DOCK11: variants seen among roughly 807,000 people sequenced by gnomAD.
DOCK11 encodes the protein dedicator of cytokinesis 11.
Under a neutral mutation model 169.1 loss-of-function variants are expected in DOCK11, and 70 were observed. The observed-to-expected ratio is 0.41, with a 90% CI of 0.34 to 0.51. DOCK11 has a LOEUF of 0.51. DOCK11 is among the 20% of genes least tolerant of loss of function. DOCK11 has a pLI of 0.10. For synonymous variants in DOCK11, 529 were observed against 541.3 expected (o/e 0.98, Z 0.32); for missense variants, 1,166 against 1,538.8 (o/e 0.76, Z 4.05).
intron 6 of DOCK11, among the ~76,000 whole-genome samples, chrX:118,558,129 C>T (rs1186650458): frequency 9.2e-6 from 1 of 108,873 alleles, no homozygotes; most frequent in African/African-American, 3.4e-5. Flanking sequence ...TGCGCCACCA[C>T]GCCTGGCTAA....
intron 44 of DOCK11, among the ~76,000 whole-genome samples, chrX:118,656,179 T>A (rs1471221217): frequency 9.1e-6 from 1 of 109,883 alleles, no homozygotes; most frequent in Non-Finnish European, 1.9e-5. Flanking sequence ...TGGTTCCAGC[T>A]ACGAAGGAGG....
Position 118,509,500 on chromosome X carries a change from G to A in DOCK11, c.102+13427G>A, listed in dbSNP as rs559043991. 1.2e-4 allele frequency among the ~76,000 whole-genome samples: 13 copies of A among 111,586 alleles called. No individual in the cohort carries two copies. The South Asian group carries it at 4.9e-3, about 42-fold the overall frequency. On this transcript the variant is annotated intron_variant, in intron 1 of 52. Transcript: ENST00000276202. ...GCTGGTCTCGAACTCCTGACCTCAA[G>A]TGTTCCAACTGCCTCGGCCTCCCAA...
In DOCK11 at chrX:118,643,564, A is replaced by G; in HGVS notation, c.4368A>G (p.Val1456=). The change falls in exon 40 of 53, where the codon GTA becomes GTG. Residue 1456 remains valine (V), a synonymous_variant. Transcript: ENST00000276202. The stretch of plus-strand genomic sequence containing the variant: ...AATCTGAAGTGTCGCTGAAACATGT[A>G]TTTGCCTCACTGAGAGCTTTCATCA... ...NGQSEVSLKH[V]FASLRAFISK... 1.7e-6 allele frequency: 2 copies of G among 1,211,341 alleles called. No individual in the cohort carries two copies. Among genetic ancestry groups the G allele is most frequent in the Non-Finnish European group, 2.2e-6 (2 of 895,254 alleles).
chrX:118,681,251 A>G lies in DOCK11; in HGVS notation c.5862+3A>G. Reference sequence around the variant, plus strand: ...TGCAGGGCTGTGTTTCTGTGCAGGTACGTTGGTCATCCAACATGTATTGAA... The same window carrying G: ...TGCAGGGCTGTGTTTCTGTGCAGGTGCGTTGGTCATCCAACATGTATTGAA... On this transcript the variant is annotated splice_donor_region_variant and intron_variant, in intron 50 of 52. Coordinates refer to ENST00000276202, the MANE Select transcript of DOCK11 (RefSeq NM_144658.4). The G allele has an allele frequency of 8.5e-7, 1 of 1,170,400 alleles. No homozygotes were observed. Among genetic ancestry groups the G allele is most frequent in the Non-Finnish European group, 1.1e-6 (1 of 876,618 alleles).
chrX:118,650,414 C>A (rs2015919175), intron 41 of DOCK11, among the ~76,000 whole-genome samples: 1 of 111,585 alleles, frequency 9.0e-6, no homozygotes, highest in Non-Finnish European at 1.9e-5. Flanking sequence ...TATGGGAAAT[C>A]CTTGGTCCTA....
intron 8 of DOCK11, 73 bp downstream of exon 8, chrX:118,566,255 G>A: frequency 1.0e-6 from 1 of 952,652 alleles, no homozygotes; most frequent in Non-Finnish European, 1.4e-6. Context: ...CCTCTGTGCA[G>A]GGTGAGTAGA....
intron 1 of DOCK11, among the ~76,000 whole-genome samples, chrX:118,525,521 G>A (rs999638638): frequency 9.0e-6 from 1 of 111,314 alleles, no homozygotes; most frequent in Non-Finnish European, 1.9e-5. Context: ...AGGGATGGGC[G>A]GGGGCGGTGT....
intron 6 of DOCK11, among the ~76,000 whole-genome samples, chrX:118,549,157 T>C (rs1005576261): frequency 1.1e-4 from 11 of 101,658 alleles, no homozygotes; most frequent in Non-Finnish European, 1.9e-4. Flanking sequence ...ACTTTTTTTT[T>C]TTTTGAGATG....
intron 1 of DOCK11, among the ~76,000 whole-genome samples, chrX:118,516,017 A>G (rs1415706012): frequency 1.2e-5 from 1 of 86,661 alleles, no homozygotes; most frequent in African/African-American, 4.8e-5. Context: ...ATATATATAT[A>G]TACATTCTTA....
chrX:118,572,185 G>A lies in DOCK11; in HGVS notation c.1036-138G>A, dbSNP rs2013297243. On this transcript the variant is annotated intron_variant, in intron 10 of 52. Transcript: ENST00000276202. ...TAGTGTAAAAAGTCTATAAAAGCTT[G>A]TTAGATGAAAACATAAAAAGGGTTC... The A allele has an allele frequency of 7.9e-6, 4 of 507,512 alleles. No individual in the cohort carries two copies. The Admixed American group carries it at 1.7e-4, about 21-fold the overall frequency. The allele number at this position is 507,512 out of a possible 1,213,427, so 41.8% of individuals were successfully genotyped here.
intron 6 of DOCK11, among the ~76,000 whole-genome samples, chrX:118,550,359 A>T (rs1006665249): frequency 9.0e-6 from 1 of 110,911 alleles, no homozygotes; most frequent in Non-Finnish European, 1.9e-5. Flanking sequence ...GGATCACTTC[A>T]GCCTGGGAGG....
intron 12 of DOCK11, among the ~76,000 whole-genome samples, chrX:118,577,114 G>A (rs2013472420): frequency 8.9e-6 from 1 of 112,795 alleles, no homozygotes; most frequent in Admixed American, 9.3e-5. Flanking sequence ...GTATATAGTA[G>A]TGCCTACATT....
chrX:118,514,629 A>G lies in DOCK11; in HGVS notation c.102+18556A>G, dbSNP rs185874137. 3.9e-3 allele frequency among the ~76,000 whole-genome samples: 440 copies of G among 111,421 alleles called. 2 individuals carry two copies. Among genetic ancestry groups the G allele is most frequent in the Non-Finnish European group, 6.5e-3 (345 of 52,974 alleles). On this transcript the variant is annotated intron_variant, in intron 1 of 52. Coordinates refer to ENST00000276202, the MANE Select transcript of DOCK11 (RefSeq NM_144658.4). The stretch of plus-strand genomic sequence containing the variant: ...CACCTTTGAAGTTTCTTCTCCCACC[A>G]CACCCTTCCTTTGCCCTGTAGTCTA...
intron 23 of DOCK11, 103 bp from the exon 24 acceptor site, chrX:118,605,135 C>A: frequency 2.0e-6 from 1 of 499,540 alleles, no homozygotes; most frequent in Non-Finnish European, 3.4e-6. Context: ...AGCTTATATG[C>A]TAGTCAATGT....
intron 19 of DOCK11, among the ~76,000 whole-genome samples, chrX:118,591,251 T>C (rs1244393503): frequency 1.8e-5 from 2 of 111,764 alleles, no homozygotes; most frequent in Non-Finnish European, 3.8e-5. Flanking sequence ...CCTAGTTTCA[T>C]GGGGGATGGG....
chrX:118,573,802 C>T lies in DOCK11; in HGVS notation c.1177-4C>T. The T allele has an allele frequency of 1.7e-6, 2 of 1,196,800 alleles. No homozygotes were observed. The highest frequency in any genetic ancestry group is 3.6e-5 in the South Asian group (2 of 54,887). On this transcript the variant is annotated splice_polypyrimidine_tract_variant and splice_region_variant and intron_variant, in intron 11 of 52. Transcript: ENST00000276202. ...TTTTAAAATGTAACTGTTTTCATTCCCAGGTTGAGCCCTTTTTTATCAATC... is the reference window on the plus strand; with the variant it reads ...TTTTAAAATGTAACTGTTTTCATTCTCAGGTTGAGCCCTTTTTTATCAATC...
intron 6 of DOCK11, among the ~76,000 whole-genome samples, chrX:118,558,629 A>G (rs996230909): frequency 8.9e-6 from 1 of 112,346 alleles, no homozygotes; most frequent in African/African-American, 3.2e-5. Flanking sequence ...AAAGCTTCTC[A>G]GAAGTTGAAA....
chrX:118,497,105 C>A (rs1161765233), intron 1 of DOCK11, among the ~76,000 whole-genome samples: 2 of 112,597 alleles, frequency 1.8e-5, no homozygotes, highest in Non-Finnish European at 3.8e-5. Context: ...TGTTTTGTTA[C>A]TTTGTTTTTT....
intron 34 of DOCK11, among the ~76,000 whole-genome samples, chrX:118,629,639 C>A (rs766526288): frequency 1.1e-3 from 115 of 109,028 alleles, no homozygotes; most frequent in Non-Finnish European, 1.7e-3. Context: ...TATAATTAGC[C>A]CATTTTTTAA....
Sources: gnomAD v4.1 joint callset for allele counts (sites outside exome capture counted in the v4.1 genomes callset) on GRCh38, gnomAD v4.1.1 for gene constraint, MANE v1.5 for transcripts, NCBI Gene and HGNC (gene_info 2026-07-23, HGNC 2026-07-21) for gene names.